The following MAGI2 variants were observed in gnomAD, a reference collection of about 807,000 sequenced individuals.
MAGI2 encodes the protein membrane-associated guanylate kinase, WW and PDZ domain-containing protein 2.
In MAGI2, 35 loss-of-function variants were observed where a neutral mutation model predicts 133.3. The ratio of observed to expected loss-of-function variants is 0.26; its 90% CI spans 0.20 to 0.35. The LOEUF (loss-of-function observed/expected upper bound fraction) is 0.35. MAGI2 is among the 10% of genes least tolerant of loss of function. MAGI2 has a pLI of 1.00. For missense variants in MAGI2, 1,636 were observed against 1,863.4 expected, an observed-to-expected ratio of 0.88 and a Z score of 2.25; for synonymous variants, 729 against 710.6, an observed-to-expected ratio of 1.03 and a Z score of -0.41.
At chr7:79,149,068 T>A (rs990308620) in intron 1 of MAGI2, among the ~76,000 whole-genome samples, 10 of 144,062 alleles carry the variant, frequency 6.9e-5, no homozygotes, top group South Asian at 2.1e-4. Context: ...ATATAATATA[T>A]TATATATATG....
At chr7:78,530,210 A>G (rs1290591930) in intron 3 of MAGI2, among the ~76,000 whole-genome samples, 1 of 152,132 alleles carries the variant, frequency 6.6e-6, no homozygotes, top group Non-Finnish European at 1.5e-5. Flanking sequence ...ACCAAAACAC[A>G]ATAACAACTG....
chr7:78,500,777 C>T (rs1794550254), intron 5 of MAGI2, among the ~76,000 whole-genome samples: 1 of 152,164 alleles, frequency 6.6e-6, no homozygotes, highest in South Asian at 2.1e-4. Flanking sequence ...ACATCTGACA[C>T]TGGGGTCAAA....
In MAGI2 at chr7:78,280,853, C is replaced by CAAA. The variant is rs36097343; in HGVS notation, c.1409-24275_1409-24273dup. ...ACTTGATCTTCAGGTGATGGGTATA[C>CAAA]AAAAAAAAAAAAAAAAAAAAAAATT... On this transcript the variant is annotated intron_variant, in intron 9 of 21. Coordinates refer to ENST00000354212, the MANE Select transcript of MAGI2 (RefSeq NM_012301.4). Among the ~76,000 whole-genome samples, 1,078 of 107,912 alleles carry CAAA rather than the reference C, an allele frequency of 1.0e-2. 28 individuals are homozygous for CAAA. The highest frequency in any genetic ancestry group is 0.025 in the African/African-American group (684 of 27,488). 70.8% of individuals were successfully genotyped at this position (107,912 alleles called of 152,430 possible). A position where few individuals can be genotyped will look rare whatever the true frequency, so the allele number is the denominator to read the frequency against.
At chr7:78,231,615 G>GT (rs760320758) in intron 10 of MAGI2, among the ~76,000 whole-genome samples, 68 of 152,278 alleles carry the variant, frequency 4.5e-4, no homozygotes, top group African/African-American at 1.5e-3. Context: ...TTCTTCCACT[G>GT]TATGTTACTG....
intron 10 of MAGI2, among the ~76,000 whole-genome samples, chr7:78,206,745 T>C (rs537171641): frequency 9.8e-4 from 150 of 152,362 alleles, no homozygotes; most frequent in Middle Eastern, 3.4e-3. Flanking sequence ...CATATGATTC[T>C]ACTTTTGAAG....
At chr7:78,835,413 C>A (rs899903247) in intron 2 of MAGI2, among the ~76,000 whole-genome samples, 1 of 152,092 alleles carries the variant, frequency 6.6e-6, no homozygotes, top group East Asian at 1.9e-4. Context: ...GTTTAGGCAG[C>A]CTGCAAGAAC....
At chr7:78,769,077 T>C (rs1825317810) in intron 2 of MAGI2, among the ~76,000 whole-genome samples, 2 of 152,134 alleles carry the variant, frequency 1.3e-5, no homozygotes, top group Non-Finnish European at 2.9e-5. Flanking sequence ...CCCTGCTCAG[T>C]ACAGGAATTC....
At position 78,801,226 on chromosome 7, in the gene MAGI2, T is replaced by C. The variant is rs77741327; in HGVS notation, c.419-173987A>G. Among the ~76,000 whole-genome samples, 1,300 of 152,230 alleles carry C rather than the reference T, an allele frequency of 8.5e-3. 20 individuals carry two copies. Among genetic ancestry groups the C allele is most frequent in the African/African-American group, 0.03 (1,229 of 41,566 alleles). On this transcript the variant is annotated intron_variant, in intron 2 of 21. Coordinates refer to ENST00000354212, the MANE Select transcript of MAGI2 (RefSeq NM_012301.4). ...CAACAGGAAACTTCATAGGTTTATT[T>C]AGAAACAAGGAAACTGCAAATTGCC...
chr7:78,886,853 T>A (rs1172706027), intron 2 of MAGI2, among the ~76,000 whole-genome samples: 1 of 152,096 alleles, frequency 6.6e-6, no homozygotes, highest in Non-Finnish European at 1.5e-5. Context: ...CCAGTCCAAA[T>A]CTCATCTTGA....
chr7:79,042,763 C>G (rs1175953932), intron 1 of MAGI2, among the ~76,000 whole-genome samples: 3 of 152,118 alleles, frequency 2.0e-5, no homozygotes, highest in Non-Finnish European at 2.9e-5. Context: ...ACAGAACACT[C>G]CACCCAACAA....
At chr7:78,694,951 C>A (rs552039117) in intron 2 of MAGI2, among the ~76,000 whole-genome samples, 1 of 152,104 alleles carries the variant, frequency 6.6e-6, no homozygotes. Context: ...CTGGTCCAGG[C>A]GTGGTGGCTC....
chr7:78,821,545 C>A (rs1462072623), intron 2 of MAGI2, among the ~76,000 whole-genome samples: 1 of 151,800 alleles, frequency 6.6e-6, no homozygotes, highest in Non-Finnish European at 1.5e-5. Context: ...ATTTACTGAC[C>A]ATTATAGTCA....
At chr7:79,065,433 A>C (rs934450599) in intron 1 of MAGI2, among the ~76,000 whole-genome samples, 1 of 152,138 alleles carries the variant, frequency 6.6e-6, no homozygotes, top group Non-Finnish European at 1.5e-5. Context: ...ACACATATTG[A>C]ATGAATGCAT....
chr7:78,460,398 A>T (rs1303647668), intron 6 of MAGI2, among the ~76,000 whole-genome samples: 1 of 152,218 alleles, frequency 6.6e-6, no homozygotes, highest in African/African-American at 2.4e-5. Flanking sequence ...TAAGTGTCAA[A>T]CTGATAGTTC....
chr7:78,631,330 C>G (rs976356603), intron 2 of MAGI2, among the ~76,000 whole-genome samples: 5 of 152,156 alleles, frequency 3.3e-5, no homozygotes, highest in Admixed American at 3.3e-4. Flanking sequence ...CATATCTCCA[C>G]AACATCATCC....
intron 10 of MAGI2, among the ~76,000 whole-genome samples, chr7:78,244,673 T>C (rs1262856371): frequency 1.3e-5 from 2 of 152,174 alleles, no homozygotes; most frequent in African/African-American, 4.8e-5. Context: ...AAATTATATG[T>C]AAACAAATAG....
intron 2 of MAGI2, among the ~76,000 whole-genome samples, chr7:78,972,260 T>A (rs1197283447): frequency 1.3e-5 from 2 of 152,054 alleles, no homozygotes; most frequent in Middle Eastern, 3.4e-3. Flanking sequence ...TCTCTAAATA[T>A]TTTTAAAAAG....
intron 1 of MAGI2, among the ~76,000 whole-genome samples, chr7:79,345,768 TA>T (rs1243304459): frequency 6.6e-6 from 1 of 152,138 alleles, no homozygotes; most frequent in Admixed American, 6.6e-5. Flanking sequence ...TGTGTGATAG[TA>T]ACAGCTTTTT....
At chr7:78,583,502 TA>T (rs1292730388) in intron 3 of MAGI2, 2 of 152,204 alleles carry the variant, frequency 1.3e-5, no homozygotes, top group Non-Finnish European at 2.9e-5. Context: ...CGTCTAAAAA[TA>T]AAAAAATAAA....
Sources: allele counts gnomAD v4.1 joint callset (sites outside exome capture counted in the v4.1 genomes callset), GRCh38; gene constraint gnomAD v4.1.1; transcripts MANE v1.5; gene names NCBI Gene and HGNC (gene_info 2026-07-23, HGNC 2026-07-21).